MYO18A: variants seen among roughly 807,000 people sequenced by gnomAD.
MYO18A encodes the protein myosin XVIIIA.
In MYO18A, 78 loss-of-function variants were observed where a neutral mutation model predicts 235.8. The ratio of observed to expected loss-of-function variants is 0.33; its 90% CI spans 0.28 to 0.40. The LOEUF is 0.40. MYO18A is among the 10% of genes least tolerant of loss of function. The pLI is 1.00. For missense variants in MYO18A, 2,215 were observed against 2,699.3 expected (o/e 0.82, Z 3.98); for synonymous variants, 977 against 1,077.8 (o/e 0.91, Z 1.83).
chr17:29,093,444 A>G lies in MYO18A; in HGVS notation c.4822-17T>C. The G allele has an allele frequency of 6.3e-7, 1 of 1,596,354 alleles. No individual in the cohort carries two copies. Among genetic ancestry groups the G allele is most frequent in the Middle Eastern group, 1.7e-4 (1 of 6,044 alleles). Reference sequence around the variant, plus strand: ...CTGTTTTAACTGGAGTACCATGGGGACAGAGACCCGTCCGTCCCTTTAGTG... The same window carrying G: ...CTGTTTTAACTGGAGTACCATGGGGGCAGAGACCCGTCCGTCCCTTTAGTG... On this transcript the variant is annotated splice_polypyrimidine_tract_variant and intron_variant, in intron 31 of 41. Coordinates refer to ENST00000527372, the MANE Select transcript of MYO18A (RefSeq NM_078471.4).
At chr17:29,177,418 C>T (rs1408784956) in intron 1 of MYO18A, among the ~76,000 whole-genome samples, 1 of 152,114 alleles carries the variant, frequency 6.6e-6, no homozygotes, top group Admixed American at 6.5e-5. Flanking sequence ...ATTTTACAAG[C>T]CCTGCAATTC....
Position 29,121,498 on chromosome 17 carries a change from G to T in MYO18A, c.1371+49C>A. 6.5e-7 allele frequency: 1 copy of T among 1,528,202 alleles called. No homozygotes were observed. Among genetic ancestry groups the T allele is most frequent in the Non-Finnish European group, 8.8e-7 (1 of 1,133,806 alleles). 94.7% of individuals were successfully genotyped at this position (1,528,202 alleles called of 1,614,324 possible). On this transcript the variant is annotated intron_variant, in intron 5 of 41. Transcript: ENST00000527372. This position sits in a 1 kb window ranked among gnomAD's most constrained non-coding sequence, Gnocchi z 4.2. ...CACAGGGGAAGGGCAGAGAGCCAGGGCAGGGGGTGGGACCAGGAGTCTGCA... is the reference window on the plus strand; with the variant it reads ...CACAGGGGAAGGGCAGAGAGCCAGGTCAGGGGGTGGGACCAGGAGTCTGCA...
chr17:29,094,611 G>C (rs765345143), intron 30 of MYO18A, 39 bp downstream of exon 30: 8 of 1,606,568 alleles, frequency 5.0e-6, no homozygotes, highest in African/African-American at 2.7e-5. Flanking sequence ...TGGCGGCCTC[G>C]CTGCACCTCA....
intron 37 of MYO18A, among the ~76,000 whole-genome samples, chr17:29,089,419 CAAAAAAAAAAA>C (rs56389977): frequency 4.2e-5 from 1 of 23,810 alleles, no homozygotes; most frequent in Non-Finnish European, 7.5e-5. Context: ...GACTCTGTCT[CAAAAAAAAAAA>C]AAAAAAAAAA....
At chr17:29,094,535 A>T in intron 30 of MYO18A, 115 bp downstream of exon 30, 1 of 1,039,774 alleles carries the variant, frequency 9.6e-7, no homozygotes, top group Non-Finnish European at 1.5e-6. Flanking sequence ...TAGGTGAGTG[A>T]GTGAATACGC....
intron 2 of MYO18A, among the ~76,000 whole-genome samples, chr17:29,152,516 C>G (rs552412814): frequency 6.6e-6 from 1 of 152,142 alleles, no homozygotes; most frequent in Non-Finnish European, 1.5e-5. Context: ...TAAGCTTAGG[C>G]CTGTTCCCCA....
rs1477720026 is a variant in MYO18A, at chr17:29,085,598, C to A, written c.5897+6G>T. ...AGGCAGAGAGCACATGCGCTCCAGT[C>A]CTCACAGTTTATTCTTTCTTTTCTG... On this transcript the variant is annotated splice_donor_region_variant and intron_variant, in intron 40 of 41. Transcript: ENST00000527372. 3 of 1,613,858 alleles carry A rather than the reference C, an allele frequency of 1.9e-6. No individual in the cohort carries two copies. The East Asian group carries it at 6.7e-5, about 36-fold the overall frequency.
intron 40 of MYO18A, among the ~76,000 whole-genome samples, chr17:29,083,026 C>T (rs2066158043): frequency 6.9e-6 from 1 of 144,080 alleles, no homozygotes; most frequent in African/African-American, 2.6e-5. Flanking sequence ...GGCCACATCC[C>T]AGATCCACCC....
chr17:29,099,112 C>G, intron 22 of MYO18A, 143 bp from the exon 23 acceptor site: 1 of 1,057,848 alleles, frequency 9.5e-7, no homozygotes. Flanking sequence ...TTCTCATGCT[C>G]CCCCTTGCCC....
intron 1 of MYO18A, among the ~76,000 whole-genome samples, chr17:29,175,740 G>A (rs2068510507): frequency 6.6e-6 from 1 of 151,832 alleles, no homozygotes; most frequent in Non-Finnish European, 1.5e-5. Flanking sequence ...CATATATAGT[G>A]CCTAAAATAT....
intron 38 of MYO18A, 52 bp downstream of exon 38, chr17:29,086,884 C>T (rs1242622860): frequency 3.9e-6 from 6 of 1,550,154 alleles, no homozygotes; most frequent in African/African-American, 1.4e-5. Context: ...ATACACTCAG[C>T]AGCTACTCAA....
At chr17:29,096,232 G>C (rs1456292701) in intron 28 of MYO18A, among the ~76,000 whole-genome samples, 1 of 152,172 alleles carries the variant, frequency 6.6e-6, no homozygotes, top group African/African-American at 2.4e-5. Flanking sequence ...TAGGGTGTGT[G>C]GGTTCCTCAG....
At chr17:29,093,585 G>C (rs2152763839) in intron 31 of MYO18A, among the ~76,000 whole-genome samples, 158 bp from the exon 32 acceptor site, 1 of 152,218 alleles carries the variant, frequency 6.6e-6, no homozygotes, top group East Asian at 2.0e-4. Context: ...CAGGTTTCTA[G>C]GGTTTCAAAG....
At chr17:29,145,710 C>G (rs913552299) in intron 2 of MYO18A, among the ~76,000 whole-genome samples, 2 of 152,098 alleles carry the variant, frequency 1.3e-5, no homozygotes, top group African/African-American at 4.8e-5. Context: ...TTGTTTTCAA[C>G]TAAATACTTC....
At chr17:29,098,527 G>T in intron 23 of MYO18A, 82 bp from the exon 24 acceptor site, 1 of 1,479,766 alleles carries the variant, frequency 6.8e-7, no homozygotes. Flanking sequence ...TGTAGTGAAC[G>T]AAGCTGATGA....
chr17:29,115,591 C>T, intron 12 of MYO18A, 73 bp downstream of exon 12: 2 of 1,502,342 alleles, frequency 1.3e-6, no homozygotes, highest in Admixed American at 2.2e-5. Flanking sequence ...CAGTCCCCTC[C>T]CGCCCCAGGG....
In MYO18A at chr17:29,116,477, T is replaced by A. The variant is rs756184615; in HGVS notation, c.2039-22A>T. 2.5e-6 allele frequency: 4 copies of A among 1,613,764 alleles called. No individual in the cohort carries two copies. The African/African-American group carries it at 4.0e-5, about 16-fold the overall frequency. Reference sequence around the variant, plus strand: ...GCTTCTGTAAGGCAAAGGACCAGCATGCAGCATGCAAAGAAAAACAGTGTG... The same window carrying A: ...GCTTCTGTAAGGCAAAGGACCAGCAAGCAGCATGCAAAGAAAAACAGTGTG... On this transcript the variant is annotated intron_variant, in intron 10 of 41. Coordinates refer to ENST00000527372, the MANE Select transcript of MYO18A (RefSeq NM_078471.4).
In MYO18A at chr17:29,166,178, G is replaced by C. The variant is rs1247947021; in HGVS notation, c.763C>G (p.His255Asp). 6 of 1,612,868 alleles carry C rather than the reference G, an allele frequency of 3.7e-6. No individual in the cohort carries two copies. The highest frequency in any genetic ancestry group is 1.3e-5 in the African/African-American group (1 of 74,964). ...PEGQACRRVV[H>D]FAEPGAGTKD... ...GTGCCTGCACCAGGCTCAGCAAAGT[G>C]GACCACACGCCGACAGGCCTGGCCC... is the stretch of plus-strand genomic sequence containing the variant. Residue 255 changes from histidine to aspartate, a missense_variant, in exon 2 of 42, where the codon CAC becomes GAC. Coordinates refer to ENST00000527372, the MANE Select transcript of MYO18A (RefSeq NM_078471.4).
Position 29,086,559 on chromosome 17 carries a change from G to T in MYO18A, c.5731C>A (p.Leu1911Met). 3 of 1,613,408 alleles carry T rather than the reference G, an allele frequency of 1.9e-6. No individual in the cohort carries two copies. The highest frequency in any genetic ancestry group is 2.5e-6 in the Non-Finnish European group (3 of 1,179,704). Reference sequence around the variant, plus strand: ...TGCAGGCTCTGGTTAGCAGCCTCCAGGCTTTCTAGATCCATCTCCTAGGAG... The same window carrying T: ...TGCAGGCTCTGGTTAGCAGCCTCCATGCTTTCTAGATCCATCTCCTAGGAG... ...KHELEMDLES[L>M]EAANQSLQAD... Residue 1911 changes from leucine to methionine, a missense_variant, in exon 39 of 42, where the codon CTG (leucine) becomes ATG (methionine). Coordinates refer to ENST00000527372, the MANE Select transcript of MYO18A (RefSeq NM_078471.4).
Sources: gnomAD v4.1 joint callset for allele counts (sites outside exome capture counted in the v4.1 genomes callset) on GRCh38, gnomAD v4.1.1 for gene constraint, Gnocchi (gnomAD v3.1) non-coding constraint, MANE v1.5 for transcripts, NCBI Gene and HGNC (gene_info 2026-07-23, HGNC 2026-07-21) for gene names.